The following RBM28 variants were observed in gnomAD, a reference collection of about 807,000 sequenced individuals.
RBM28 encodes RNA binding motif protein 28.
RBM28 carries 78 observed loss-of-function variants against 98.3 expected under a neutral mutation model. The ratio of observed to expected loss-of-function variants is 0.79; its 90% confidence interval spans 0.66 to 0.96. The LOEUF (loss-of-function observed/expected upper bound fraction) is 0.96, where lower values mean the gene tolerates loss of function less well. RBM28 is among the 40% of genes least tolerant of loss of function. The probability of loss-of-function intolerance (pLI) is 0.00; values close to 1 mark genes in which losing one functional copy is unlikely to be tolerated. For missense variants in RBM28, 838 were observed against 913.0 expected, an observed-to-expected ratio of 0.92 and a Z score of 1.06; for synonymous variants, 306 against 330.9, an observed-to-expected ratio of 0.92 and a Z score of 0.82.
rs150605340 is a variant in RBM28 at position 128,304,368 on chromosome 7, T to C, written c.*6429A>G. ...GCAGTCACTCATTTCATGGAATGGA[T>C]ATGGGCTGTTACTCAGTGAAAAGAC... On this transcript the variant is annotated 3_prime_UTR_variant, in exon 19 of 19. Transcript: ENST00000223073. 6.6e-6 allele frequency: 1 copy of C among 152,334 alleles called. No individual in the cohort carries two copies. The highest frequency in any genetic ancestry group is 1.5e-5 in the Non-Finnish European group (1 of 68,020). 9.4% of individuals were successfully genotyped at this position (152,334 alleles called of 1,614,324 possible).
intron 18 of RBM28, among the ~76,000 whole-genome samples, chr7:128,311,334 A>C (rs548269050): frequency 6.6e-6 from 1 of 152,340 alleles, no homozygotes; most frequent in East Asian, 1.9e-4. Flanking sequence ...TATACGTCAG[A>C]AACTTCCCAG....
chr7:128,335,348 C>T (rs1031440522), intron 8 of RBM28, among the ~76,000 whole-genome samples, 195 bp downstream of exon 8: 12 of 152,114 alleles, frequency 7.9e-5, no homozygotes, highest in Middle Eastern at 3.4e-3. Context: ...AAAAACAAAA[C>T]AAACAAAAAG....
intron 13 of RBM28, among the ~76,000 whole-genome samples, chr7:128,321,866 G>T (rs1234037534): frequency 6.6e-6 from 1 of 152,036 alleles, no homozygotes; most frequent in Non-Finnish European, 1.5e-5. Context: ...TGGCCAACAT[G>T]GTGAAACCCT....
chr7:128,317,083 T>C (rs901033640), intron 16 of RBM28, among the ~76,000 whole-genome samples: 1 of 152,184 alleles, frequency 6.6e-6, no homozygotes, highest in South Asian at 2.1e-4. Flanking sequence ...TGGACATGTA[T>C]TATCTCATTT....
chr7:128,338,126 C>A, intron 5 of RBM28, 124 bp downstream of exon 5: 1 of 740,194 alleles, frequency 1.4e-6, no homozygotes, highest in East Asian at 2.7e-5. Flanking sequence ...AAATAGCTAC[C>A]GTATTAGCAA....
In RBM28 at chr7:128,297,889, A is replaced by G. The variant is rs1365716699; in HGVS notation, c.*12908T>C. On this transcript the variant is annotated 3_prime_UTR_variant, in exon 19 of 19. Transcript: ENST00000223073. The stretch of plus-strand genomic sequence containing the variant: ...ATTCTCAGTAAACTATCGCAAGAAC[A>G]AAAAACCAAACACCGCATATTCTCA... 2 of 150,066 alleles carry G rather than the reference A, an allele frequency of 1.3e-5. No homozygotes were observed. The highest frequency in any genetic ancestry group is 3.0e-5 in the Non-Finnish European group (2 of 67,592). The allele number at this position is 150,066 out of a possible 1,614,324, so 9.3% of individuals were successfully genotyped here.
intron 10 of RBM28, among the ~76,000 whole-genome samples, chr7:128,330,258 C>G (rs1268084291): frequency 6.6e-6 from 1 of 151,584 alleles, no homozygotes; most frequent in Non-Finnish European, 1.5e-5. Context: ...AAATGGAATT[C>G]ATTACCCTAA....
rs10263305 is a variant in RBM28 at position 128,323,288 on chromosome 7, A to G, written c.1404+239T>C. Reference sequence around the variant, plus strand: ...GTTCAGCAAACATTTACTGCCAAGCACTAGGGAAACAAATAATAAGACACA... The same window carrying G: ...GTTCAGCAAACATTTACTGCCAAGCGCTAGGGAAACAAATAATAAGACACA... On this transcript the variant is annotated intron_variant, in intron 13 of 18. Coordinates refer to ENST00000223073, the MANE Select transcript of RBM28 (RefSeq NM_018077.3). Among the ~76,000 whole-genome samples, 1,278 of 152,344 alleles carry G rather than the reference A, an allele frequency of 8.4e-3. 20 individuals carry two copies. The highest frequency in any genetic ancestry group is 0.029 in the African/African-American group (1,202 of 41,570).
intron 1 of RBM28, among the ~76,000 whole-genome samples, chr7:128,342,676 G>C (rs1397519903): frequency 6.6e-6 from 1 of 151,000 alleles, no homozygotes; most frequent in African/African-American, 2.4e-5. Flanking sequence ...GCAAGACGCA[G>C]TCTTTAAAAA....
intron 10 of RBM28, among the ~76,000 whole-genome samples, chr7:128,326,209 C>A (rs1562954126): frequency 9.3e-6 from 1 of 107,234 alleles, no homozygotes; most frequent in Non-Finnish European, 1.9e-5. Context: ...GAGGCTGAGG[C>A]AGGAGAATGG....
rs1795923649 is a variant in RBM28 at position 128,309,014 on chromosome 7, C to T, written c.*1783G>A. 6.7e-6 allele frequency: 1 copy of T among 150,228 alleles called. No homozygotes were observed. The highest frequency in any genetic ancestry group is 1.5e-5 in the Non-Finnish European group (1 of 67,588). 9.3% of individuals were successfully genotyped at this position (150,228 alleles called of 1,614,324 possible). A position where few individuals can be genotyped will look rare whatever the true frequency, so the allele number is the denominator to read the frequency against. On this transcript the variant is annotated 3_prime_UTR_variant, in exon 19 of 19. Coordinates refer to ENST00000223073, the MANE Select transcript of RBM28 (RefSeq NM_018077.3). ...AAAAGAAATAACCATATCTCTAGCT[C>T]AGCAATGGTTCTGTCAAAGCATTAT... is the stretch of plus-strand genomic sequence containing the variant.
In RBM28 at chr7:128,298,623, A is replaced by G. The variant is rs1349826512; in HGVS notation, c.*12174T>C. ...AATATACAGAATATATTCTTTACAT[A>G]TAAAACACTGCTCCTTCAGAGCCAA... On this transcript the variant is annotated 3_prime_UTR_variant, in exon 19 of 19. Coordinates refer to ENST00000223073, the MANE Select transcript of RBM28 (RefSeq NM_018077.3). 1 of 152,172 alleles carries G rather than the reference A, an allele frequency of 6.6e-6. No individual in the cohort carries two copies. Among genetic ancestry groups the G allele is most frequent in the African/African-American group, 2.4e-5 (1 of 41,422 alleles). 9.4% of individuals were successfully genotyped at this position (152,172 alleles called of 1,614,324 possible).
In RBM28 at chr7:128,310,600, C is replaced by A. The variant is rs1795959432; in HGVS notation, c.*197G>T. On this transcript the variant is annotated 3_prime_UTR_variant, in exon 19 of 19. Coordinates refer to ENST00000223073, the MANE Select transcript of RBM28 (RefSeq NM_018077.3). ...GCATCATGTTGACTTTCAGATATTT[C>A]TCTTTGTGGCTAACGAACCACACAT... 6 of 634,578 alleles carry A rather than the reference C, an allele frequency of 9.5e-6. No homozygotes were observed. The highest frequency in any genetic ancestry group is 1.8e-5 in the African/African-American group (1 of 55,082). The allele number at this position is 634,578 out of a possible 1,614,324, so 39.3% of individuals were successfully genotyped here. A position where few individuals can be genotyped will look rare whatever the true frequency, so the allele number is the denominator to read the frequency against.
chr7:128,310,157 C>T lies in RBM28; in HGVS notation c.*640G>A, dbSNP rs1443022749. 6.4e-6 allele frequency: 1 copy of T among 156,470 alleles called. No individual in the cohort carries two copies. The highest frequency in any genetic ancestry group is 1.4e-5 in the Non-Finnish European group (1 of 70,838). 9.7% of individuals were successfully genotyped at this position (156,470 alleles called of 1,614,324 possible). Reference sequence around the variant, plus strand: ...TAACCAGGCTAGTGTCTTTAGGCCACTGCAGGCCAATTCAACTGGAAATCC... The same window carrying T: ...TAACCAGGCTAGTGTCTTTAGGCCATTGCAGGCCAATTCAACTGGAAATCC... On this transcript the variant is annotated 3_prime_UTR_variant, in exon 19 of 19. Coordinates refer to ENST00000223073, the MANE Select transcript of RBM28 (RefSeq NM_018077.3).
Position 128,314,833 on chromosome 7 carries a change from A to G in RBM28, c.1976T>C (p.Val659Ala). 1 of 1,614,126 alleles carries G rather than the reference A, an allele frequency of 6.2e-7. No homozygotes were observed. The highest frequency in any genetic ancestry group is 8.5e-7 in the Non-Finnish European group (1 of 1,180,032). The change falls in exon 17 of 19, where the codon GTG (valine) becomes GCG (alanine). Residue 659 changes from valine to alanine, a missense_variant. Physicochemically the swap from Val to Ala is moderately conservative, Grantham distance 64. Transcript: ENST00000223073. ...GFQTKAEVEQ[V>A]ELPDGKKRRK... ...TCTCTTCTTTCCATCAGGCAGCTCCACCTGCTCCACTTCAGCCTTGGTCTG... is the reference window on the plus strand; with the variant it reads ...TCTCTTCTTTCCATCAGGCAGCTCCGCCTGCTCCACTTCAGCCTTGGTCTG...
At chr7:128,313,968 CT>C (rs796755199) in intron 17 of RBM28, among the ~76,000 whole-genome samples, 4,465 of 146,444 alleles carry the variant, frequency 0.03, 182 homozygotes, top group African/African-American at 0.1. Flanking sequence ...CTTTTCTTTT[CT>C]TTTTTTTTTT....
At chr7:128,323,445 G>T in intron 13 of RBM28, 82 bp downstream of exon 13, 1 of 1,517,202 alleles carries the variant, frequency 6.6e-7, no homozygotes, top group South Asian at 1.1e-5. Context: ...GCTCTTTGAT[G>T]AGCACATCTA....
chr7:128,304,837 T>A lies in RBM28; in HGVS notation c.*5960A>T, dbSNP rs1441192018. 2 of 152,238 alleles carry A rather than the reference T, an allele frequency of 1.3e-5. No individual in the cohort carries two copies. Among genetic ancestry groups the A allele is most frequent in the African/African-American group, 4.8e-5 (2 of 41,444 alleles). 9.4% of individuals were successfully genotyped at this position (152,238 alleles called of 1,614,324 possible). On this transcript the variant is annotated 3_prime_UTR_variant, in exon 19 of 19. Transcript: ENST00000223073. ...TGGTACCAGAGGAGGGATGTATGTCTGGGCACTTTCAAAAGTATGTTATTA... is the reference window on the plus strand; with the variant it reads ...TGGTACCAGAGGAGGGATGTATGTCAGGGCACTTTCAAAAGTATGTTATTA...
chr7:128,321,160 C>G (rs371255711), intron 14 of RBM28, 106 bp downstream of exon 14: 1 of 1,441,976 alleles, frequency 6.9e-7, no homozygotes, highest in Admixed American at 1.7e-5. Flanking sequence ...AGTGAGACTT[C>G]GTCTCAAAAC....
Sources: gnomAD v4.1 joint callset for allele counts (sites outside exome capture counted in the v4.1 genomes callset) on GRCh38, gnomAD v4.1.1 for gene constraint, MANE v1.5 for transcripts, NCBI Gene and HGNC (gene_info 2026-07-23, HGNC 2026-07-21) for gene names.